The following PHKA1 variants were observed in gnomAD, a reference collection of about 807,000 sequenced individuals.
PHKA1 encodes phosphorylase b kinase regulatory subunit alpha, skeletal muscle isoform.
PHKA1 carries 60 observed loss-of-function variants against 110.2 expected under a neutral mutation model. The ratio of observed to expected loss-of-function variants is 0.54; its 90% CI spans 0.44 to 0.68. The LOEUF is 0.68. Ranked by LOEUF, PHKA1 falls within the 30% of genes least tolerant of loss-of-function variation. The pLI, the probability that PHKA1 is intolerant of heterozygous loss-of-function variation, is 0.00. For synonymous variants in PHKA1, 316 were observed against 333.6 expected (o/e 0.95, Z 0.58); for missense variants, 801 against 942.5 (o/e 0.85, Z 1.97).
chrX:72,672,660 T>C (rs2053721269), intron 6 of PHKA1, among the ~76,000 whole-genome samples: 2 of 112,056 alleles, frequency 1.8e-5, no homozygotes, highest in South Asian at 3.8e-4. Context: ...GGTAATTAAG[T>C]TTCAATACGA....
At chrX:72,638,327 C>T (rs1304551307) in intron 14 of PHKA1, among the ~76,000 whole-genome samples, 30 of 100,754 alleles carry the variant, frequency 3.0e-4, no homozygotes, top group Non-Finnish European at 4.7e-4. Context: ...ATCCCTTGAG[C>T]GCAAGAGTTT....
intron 3 of PHKA1, among the ~76,000 whole-genome samples, chrX:72,698,835 G>C (rs1438970204): frequency 8.9e-6 from 1 of 112,157 alleles, no homozygotes; most frequent in Non-Finnish European, 1.9e-5. Flanking sequence ...ACGGCTTGGG[G>C]CTAAGAGCAA....
Position 72,605,259 on chromosome X carries a change from T to C in PHKA1, c.2815+12A>G. ...AGTGAATTCCACCTAAAATAGTTAC[T>C]GAATTAAGTACCTGAGCATCGAAGG... is the stretch of plus-strand genomic sequence containing the variant. On this transcript the variant is annotated intron_variant, in intron 25 of 31. Coordinates refer to ENST00000373542, the MANE Select transcript of PHKA1 (RefSeq NM_002637.4). 6.7e-6 allele frequency: 8 copies of C among 1,188,546 alleles called. No individual in the cohort carries two copies. The highest frequency in any genetic ancestry group is 9.2e-6 in the Non-Finnish European group (8 of 874,282).
rs2053698009 is a variant in PHKA1, at chrX:72,671,497, A to T, written c.619-4024T>A. Among the ~76,000 whole-genome samples, 13 of 111,997 alleles carry T rather than the reference A, an allele frequency of 1.2e-4. No homozygotes were observed. In the South Asian group the frequency reaches 4.9e-3, roughly 42 times the overall value. ...GGGTAGGAAGAATCAATATCGTGAA[A>T]ATGGCCATACTGCCCAAAGTAATTT... On this transcript the variant is annotated intron_variant, in intron 6 of 31. Transcript: ENST00000373542.
rs1251671101 is a variant in PHKA1 at position 72,619,249 on chromosome X, A to C, written c.2194T>G (p.Leu732Val). The C allele has an allele frequency of 1.7e-6, 2 of 1,194,364 alleles. No individual in the cohort carries two copies. The change falls in exon 20 of 32, where the codon TTA (leucine) becomes GTA (valine). Residue 732 changes from leucine to valine, a missense_variant. Around this residue, in one of 2 missense-constraint regions of PHKA1, gnomAD observed 502 missense variants for 519.2 expected, o/e 0.97. Coordinates refer to ENST00000373542, the MANE Select transcript of PHKA1 (RefSeq NM_002637.4). Reference sequence around the variant, plus strand: ...TGTCGGGGATGAGGTGAATCAAGTAAGTTGAATGAAGGCCGGGAAGCCTGA... The same window carrying C: ...TGTCGGGGATGAGGTGAATCAAGTACGTTGAATGAAGGCCGGGAAGCCTGA... ...LFQASRPSFN[L>V]LDSPHPRQEN... is the part of the protein sequence containing the mutation.
At chrX:72,663,845 C>A (rs782573438) in intron 8 of PHKA1, among the ~76,000 whole-genome samples, 4 of 107,593 alleles carry the variant, frequency 3.7e-5, no homozygotes, top group Non-Finnish European at 7.7e-5. Context: ...CATATGATAA[C>A]TATCATCATG....
At chrX:72,625,423 G>A (rs1556282118) in intron 17 of PHKA1, among the ~76,000 whole-genome samples, 1 of 111,471 alleles carries the variant, frequency 9.0e-6, no homozygotes, top group Non-Finnish European at 1.9e-5. Flanking sequence ...AATTCATGTT[G>A]CTGCAAAGGA....
chrX:72,584,253 C>G lies in PHKA1; in HGVS notation c.3293G>C (p.Arg1098Thr). The G allele has an allele frequency of 8.3e-7, 1 of 1,202,518 alleles. No individual in the cohort carries two copies. The highest frequency in any genetic ancestry group is 1.1e-6 in the Non-Finnish European group (1 of 887,247). Residue 1098 changes from arginine (R) to threonine (T), a missense_variant, in exon 30 of 32, where the codon AGA (arginine) becomes ACA (threonine). Physicochemically the swap from Arg to Thr is moderately conservative, Grantham distance 71. Transcript: ENST00000373542. ...EGFVLPSSTT[R>T]EMTPGEIKFS... Reference sequence around the variant, plus strand: ...GTGCAAGAAAGAGACTCTTACCTCTCTAGTGGTAGAGGAAGGAAGGACAAA... The same window carrying G: ...GTGCAAGAAAGAGACTCTTACCTCTGTAGTGGTAGAGGAAGGAAGGACAAA...
chrX:72,619,406 C>T (rs1320312388), intron 19 of PHKA1, 101 bp from the exon 20 acceptor site: 8 of 526,036 alleles, frequency 1.5e-5, no homozygotes, highest in Non-Finnish European at 2.7e-5. Context: ...GTCAGTTCTT[C>T]ATAGAACAAG....
chrX:72,664,270 C>G (rs968259596), intron 8 of PHKA1, among the ~76,000 whole-genome samples: 1 of 110,487 alleles, frequency 9.1e-6, no homozygotes, highest in Admixed American at 9.7e-5. Flanking sequence ...CAAAAGCAAG[C>G]AGGAGTAGCT....
intron 8 of PHKA1, among the ~76,000 whole-genome samples, chrX:72,665,497 G>A (rs1450289308): frequency 9.0e-6 from 1 of 111,530 alleles, no homozygotes; most frequent in South Asian, 3.8e-4. Flanking sequence ...CCAGTAAATT[G>A]AAGGGGAGGG....
chrX:72,639,719 C>CT (rs1473235513), intron 14 of PHKA1, among the ~76,000 whole-genome samples: 3 of 111,264 alleles, frequency 2.7e-5, no homozygotes, highest in Middle Eastern at 4.2e-3. Context: ...GCAATCTTAC[C>CT]TTTTTTTTGT....
At position 72,649,776 on chromosome X, in the gene PHKA1, G is replaced by A. The variant is rs1334610875; in HGVS notation, c.1324+614C>T. Among the ~76,000 whole-genome samples the A allele has an allele frequency of 2.7e-5, 3 of 110,658 alleles. No individual in the cohort carries two copies. The Admixed American group carries it at 2.9e-4, about 11-fold the overall frequency. On this transcript the variant is annotated intron_variant, in intron 13 of 31. Transcript: ENST00000373542. ...TGGGAGGCCGAGACAGGCAGATCAC[G>A]AGGTCAGGAGTTCGAGACCAGCCTG...
intron 29 of PHKA1, among the ~76,000 whole-genome samples, chrX:72,586,588 G>A (rs1556213510): frequency 9.0e-6 from 1 of 111,356 alleles, no homozygotes; most frequent in African/African-American, 3.3e-5. Context: ...ACTTTGACAA[G>A]CTGACAGAAG....
rs151108612 is a variant in PHKA1 at position 72,689,294 on chromosome X, C to T, written c.455-4714G>A. On this transcript the variant is annotated intron_variant, in intron 4 of 31. Coordinates refer to ENST00000373542, the MANE Select transcript of PHKA1 (RefSeq NM_002637.4). The stretch of plus-strand genomic sequence containing the variant: ...AACACTGTCATCACTCCAAAAGAAA[C>T]CTTGTGCCCCTTAGCAGTCACTCCC... Among the ~76,000 whole-genome samples the T allele has an allele frequency of 3.1e-3, 352 of 112,042 alleles. 1 individual carries two copies. The highest frequency in any genetic ancestry group is 0.011 in the African/African-American group (343 of 30,814).
chrX:72,599,746 G>A, intron 28 of PHKA1: 1 of 461,097 alleles, frequency 2.2e-6, no homozygotes, highest in East Asian at 3.8e-5. Flanking sequence ...ACCAGTATAT[G>A]TCATGATTTA....
intron 16 of PHKA1, among the ~76,000 whole-genome samples, chrX:72,631,528 C>G (rs73218378): frequency 9.0e-6 from 1 of 111,483 alleles, no homozygotes; most frequent in Non-Finnish European, 1.9e-5. Flanking sequence ...AGTTTTCTGT[C>G]TCTCTAGGTT....
intron 16 of PHKA1, among the ~76,000 whole-genome samples, chrX:72,628,551 CAT>C (rs72101398): frequency 1.5e-3 from 148 of 97,788 alleles, no homozygotes; most frequent in South Asian, 6.5e-3. Flanking sequence ...AAAATATTCC[CAT>C]ATATATATAT....
chrX:72,698,827 G>A (rs782184924), intron 3 of PHKA1, among the ~76,000 whole-genome samples: 3 of 112,110 alleles, frequency 2.7e-5, no homozygotes, highest in Non-Finnish European at 5.6e-5. Flanking sequence ...GAACAAGGAC[G>A]GCTTGGGGCT....
Sources: allele counts gnomAD v4.1 joint callset (sites outside exome capture counted in the v4.1 genomes callset), GRCh38; gene constraint gnomAD v4.1.1; regional missense constraint gnomAD v4.1.1; transcripts MANE v1.5; gene names NCBI Gene and HGNC (gene_info 2026-07-23, HGNC 2026-07-21).